Variants in COG5 observed in about 807,000 individuals in gnomAD.
COG5 encodes component of oligomeric golgi complex 5, also known as conserved oligomeric Golgi complex subunit 5.
Under a neutral mutation model 110.4 loss-of-function variants are expected in COG5, and 86 were observed. That is an observed-to-expected ratio of 0.78 (90% CI 0.65 to 0.93). COG5 has a LOEUF of 0.93. Ranked by LOEUF, COG5 falls within the 40% of genes least tolerant of loss-of-function variation. COG5 has a pLI of 0.00. For synonymous variants in COG5, 360 were observed against 334.6 expected (o/e 1.08, Z -0.83); for missense variants, 1,077 against 987.0 (o/e 1.09, Z -1.22).
intron 17 of COG5, 111 bp downstream of exon 17, chr7:107,248,285 A>G (rs1802201013): frequency 2.6e-6 from 2 of 758,250 alleles, no homozygotes; most frequent in Admixed American, 3.8e-5. Flanking sequence ...TGCCATCACA[A>G]AAGGAACAAG....
intron 5 of COG5, among the ~76,000 whole-genome samples, chr7:107,528,702 A>G (rs1800955623): frequency 6.6e-6 from 1 of 152,172 alleles, no homozygotes; most frequent in South Asian, 2.1e-4. Context: ...GAATGGCCCC[A>G]AGGCTAACTG....
chr7:107,277,880 T>C (rs767150288), intron 14 of COG5, among the ~76,000 whole-genome samples: 7 of 152,118 alleles, frequency 4.6e-5, no homozygotes, highest in Non-Finnish European at 1.0e-4. Flanking sequence ...AAATACGTAA[T>C]CATAAAAATA....
At chr7:107,441,709 A>C (rs959643682) in intron 6 of COG5, among the ~76,000 whole-genome samples, 9 of 152,198 alleles carry the variant, frequency 5.9e-5, no homozygotes, top group Admixed American at 1.3e-4. Flanking sequence ...CCATCTTCTG[A>C]ATTTTCACAG....
At chr7:107,467,482 G>A (rs149817605) in intron 6 of COG5, among the ~76,000 whole-genome samples, 26 of 152,130 alleles carry the variant, frequency 1.7e-4, no homozygotes, top group African/African-American at 2.9e-4. Flanking sequence ...TCAACCTCGC[G>A]AGGAGCTGGA....
intron 8 of COG5, among the ~76,000 whole-genome samples, chr7:107,369,384 CTTTTT>C (rs567770114): frequency 2.9e-5 from 3 of 103,158 alleles, no homozygotes; most frequent in African/African-American, 4.4e-5. Context: ...AACAAAAATT[CTTTTT>C]TTTTTTTTTT....
chr7:107,389,867 A>G (rs780269206), intron 7 of COG5, among the ~76,000 whole-genome samples: 1 of 152,112 alleles, frequency 6.6e-6, no homozygotes, highest in Non-Finnish European at 1.5e-5. Flanking sequence ...GCGACATATC[A>G]TAATTCCAGT....
chr7:107,283,527 A>G, intron 13 of COG5, 44 bp downstream of exon 13: 1 of 1,508,510 alleles, frequency 6.6e-7, no homozygotes, highest in Non-Finnish European at 9.2e-7. Context: ...ACTAACAAAT[A>G]TGGCAGTCAT....
intron 7 of COG5, among the ~76,000 whole-genome samples, chr7:107,379,598 CAAAAA>C (rs200972977): frequency 1.4e-5 from 1 of 73,124 alleles, no homozygotes; most frequent in East Asian, 3.4e-4. Context: ...AAATGGAAAG[CAAAAA>C]AAAAAAAAAA....
rs1368576490 is a variant in COG5, at chr7:107,548,169, T to G, written c.359A>C (p.Lys120Thr). Reference sequence around the variant, plus strand: ...TATCTTATTGTATGGTTCAACAATTTTTGCTTTTATCCTACAGGAAAAGAG... The same window carrying G: ...TATCTTATTGTATGGTTCAACAATTGTTGCTTTTATCCTACAGGAAAAGAG... ...LQGAVDRIKAKIVEPYNKIVA... is the reference protein window; with the variant it reads ...LQGAVDRIKATIVEPYNKIVA... Residue 120 changes from lysine to threonine, a missense_variant, in exon 5 of 22, where the codon AAA becomes ACA. Physicochemically the swap from Lys to Thr is moderately conservative, Grantham distance 78. Coordinates refer to ENST00000297135, the MANE Select transcript of COG5 (RefSeq NM_006348.5). 1 of 1,613,782 alleles carries G rather than the reference T, an allele frequency of 6.2e-7. No homozygotes were observed. The highest frequency in any genetic ancestry group is 8.5e-7 in the Non-Finnish European group (1 of 1,179,830).
intron 19 of COG5, among the ~76,000 whole-genome samples, chr7:107,215,255 C>T (rs1799440516): frequency 6.6e-6 from 1 of 152,066 alleles, no homozygotes; most frequent in South Asian, 2.1e-4. Flanking sequence ...AAAGCATCCA[C>T]AAAACAATCA....
intron 14 of COG5, among the ~76,000 whole-genome samples, chr7:107,277,578 A>T (rs979801409): frequency 6.6e-6 from 1 of 152,202 alleles, no homozygotes; most frequent in African/African-American, 2.4e-5. Flanking sequence ...TCATGCTATT[A>T]ACTGTTCTCA....
intron 6 of COG5, among the ~76,000 whole-genome samples, chr7:107,508,243 G>A (rs550374539): frequency 5.0e-4 from 76 of 152,366 alleles, no homozygotes; most frequent in East Asian, 1.9e-4. Context: ...TCCCGCACCT[G>A]GCTCGGAGGG....
At chr7:107,381,285 G>C (rs1815094845) in intron 7 of COG5, among the ~76,000 whole-genome samples, 4 of 152,180 alleles carry the variant, frequency 2.6e-5, no homozygotes, top group Admixed American at 1.3e-4. Flanking sequence ...AGATAGTGCA[G>C]AGGGTCCCTG....
intron 7 of COG5, among the ~76,000 whole-genome samples, chr7:107,401,574 C>T (rs542535693): frequency 2.0e-5 from 3 of 152,160 alleles, no homozygotes; most frequent in South Asian, 2.1e-4. Flanking sequence ...AGGAAATACG[C>T]GAGCTCTTAC....
chr7:107,517,605 G>C (rs1800018348), intron 6 of COG5, among the ~76,000 whole-genome samples: 1 of 152,018 alleles, frequency 6.6e-6, no homozygotes, highest in Admixed American at 6.6e-5. Flanking sequence ...AAAAAGGTCA[G>C]GTCACCTAGA....
At chr7:107,261,474 T>C (rs945656264) in intron 14 of COG5, among the ~76,000 whole-genome samples, 5 of 152,178 alleles carry the variant, frequency 3.3e-5, no homozygotes, top group African/African-American at 4.8e-5. Context: ...ACTTCACAGA[T>C]TTACATCGAT....
At chr7:107,534,514 G>A (rs965728142) in intron 5 of COG5, among the ~76,000 whole-genome samples, 2 of 150,328 alleles carry the variant, frequency 1.3e-5, no homozygotes, top group African/African-American at 4.9e-5. Context: ...AGTGGGGGTT[G>A]CAATCCTAGT....
At chr7:107,212,583 C>T (rs969592786) in intron 19 of COG5, among the ~76,000 whole-genome samples, 1 of 152,200 alleles carries the variant, frequency 6.6e-6, no homozygotes, top group African/African-American at 2.4e-5. Context: ...ACATAATTCT[C>T]ATTATCAACA....
intron 7 of COG5, among the ~76,000 whole-genome samples, chr7:107,382,266 T>C (rs1317295646): frequency 6.6e-6 from 1 of 152,142 alleles, no homozygotes; most frequent in African/African-American, 2.4e-5. Flanking sequence ...CACAGGTATT[T>C]GAGGATACAA....
Sources: gnomAD v4.1 joint callset for allele counts (sites outside exome capture counted in the v4.1 genomes callset) on GRCh38, gnomAD v4.1.1 for gene constraint, MANE v1.5 for transcripts, NCBI Gene and HGNC (gene_info 2026-07-23, HGNC 2026-07-21) for gene names.